PARVA: variants seen among roughly 807,000 people sequenced by gnomAD.
PARVA encodes the protein alpha-parvin.
A neutral mutation model predicts 52.6 loss-of-function variants in PARVA; 25 were observed. The observed-to-expected ratio is 0.48, with a 90% CI of 0.35 to 0.66. The LOEUF (loss-of-function observed/expected upper bound fraction) is 0.66. PARVA is among the 30% of genes least tolerant of loss of function. The pLI, the probability that PARVA is intolerant of heterozygous loss-of-function variation, is 0.01. For missense variants in PARVA, 373 were observed against 450.9 expected (o/e 0.83, Z 1.56); for synonymous variants, 185 against 179.1 (o/e 1.03, Z -0.26).
intron 1 of PARVA, among the ~76,000 whole-genome samples, chr11:12,432,111 A>G (rs771272450): frequency 1.3e-5 from 2 of 152,064 alleles, no homozygotes; most frequent in Non-Finnish European, 2.9e-5. Flanking sequence ...TTAACGTAAA[A>G]TTTTTCCTAC....
At chr11:12,401,785 A>T (rs1177365694) in intron 1 of PARVA, among the ~76,000 whole-genome samples, 1 of 152,222 alleles carries the variant, frequency 6.6e-6, no homozygotes, top group Non-Finnish European at 1.5e-5. Flanking sequence ...TAATCAAGAC[A>T]GCCTAATATG....
intron 1 of PARVA, among the ~76,000 whole-genome samples, chr11:12,403,068 C>T (rs1305558406): frequency 6.6e-6 from 1 of 152,260 alleles, no homozygotes; most frequent in South Asian, 2.1e-4. Flanking sequence ...ACATGCCTCG[C>T]TGCCTCCTTC....
Position 12,531,699 on chromosome 11 carries a change from G to A in PARVA, c.*3774G>A, listed in dbSNP as rs1941774102. Among the ~76,000 whole-genome samples, 1 of 151,580 alleles carries A rather than the reference G, an allele frequency of 6.6e-6. No homozygotes were observed. Among genetic ancestry groups the A allele is most frequent in the Non-Finnish European group, 1.5e-5 (1 of 67,974 alleles). On this transcript the variant is annotated 3_prime_UTR_variant, in exon 13 of 13. Coordinates refer to ENST00000334956, the MANE Select transcript of PARVA (RefSeq NM_018222.5). ...TATAATACATCCTAGATAGGCAAGA[G>A]GGATATGTCCTGAAATCTTCACTAA... is the stretch of plus-strand genomic sequence containing the variant.
In PARVA at chr11:12,399,124, C is replaced by A. The variant is rs564182756; in HGVS notation, c.136+21341C>A. Among the ~76,000 whole-genome samples the A allele has an allele frequency of 2.0e-5, 3 of 152,308 alleles. No homozygotes were observed. The South Asian group carries it at 6.2e-4, about 32-fold the overall frequency. Reference sequence around the variant, plus strand: ...CGGTTCCAAAATCTATTTTCCTAACCATGATGTCATTCTGCCGCTCAGTAT... The same window carrying A: ...CGGTTCCAAAATCTATTTTCCTAACAATGATGTCATTCTGCCGCTCAGTAT... On this transcript the variant is annotated intron_variant, in intron 1 of 12. Coordinates refer to ENST00000334956, the MANE Select transcript of PARVA (RefSeq NM_018222.5).
At chr11:12,417,657 G>A (rs1368242098) in intron 1 of PARVA, among the ~76,000 whole-genome samples, 1 of 152,144 alleles carries the variant, frequency 6.6e-6, no homozygotes, top group African/African-American at 2.4e-5. Flanking sequence ...AATGCAAGAG[G>A]ATTTATTTAA....
At chr11:12,492,065 A>G (rs1941240507) in intron 4 of PARVA, among the ~76,000 whole-genome samples, 1 of 152,176 alleles carries the variant, frequency 6.6e-6, no homozygotes, top group South Asian at 2.1e-4. Flanking sequence ...TATTTTACAT[A>G]TTTTAGTTCT....
intron 12 of PARVA, among the ~76,000 whole-genome samples, chr11:12,520,812 T>C (rs986931462): frequency 1.3e-5 from 2 of 151,756 alleles, no homozygotes; most frequent in Non-Finnish European, 2.9e-5. Context: ...ATTAGCCAGG[T>C]GTAGTGGTGC....
At chr11:12,389,984 T>C (rs1939634388) in intron 1 of PARVA, among the ~76,000 whole-genome samples, 1 of 152,194 alleles carries the variant, frequency 6.6e-6, no homozygotes, top group South Asian at 2.1e-4. Context: ...ATGCTCCTCT[T>C]CTACTCTGAA....
At chr11:12,496,095 T>G (rs927080659) in intron 4 of PARVA, among the ~76,000 whole-genome samples, 1 of 152,250 alleles carries the variant, frequency 6.6e-6, no homozygotes, top group East Asian at 1.9e-4. Flanking sequence ...ATGCCTTGAC[T>G]AACTCTACAG....
At chr11:12,447,794 C>T (rs1170169457) in intron 1 of PARVA, among the ~76,000 whole-genome samples, 1 of 152,092 alleles carries the variant, frequency 6.6e-6, no homozygotes, top group Non-Finnish European at 1.5e-5. Context: ...GTTCCAGGCA[C>T]CCATCAAAAA....
At position 12,484,808 on chromosome 11, in the gene PARVA, CTTT is replaced by C. The variant is rs1177057401; in HGVS notation, c.400+6879_400+6881del. On this transcript the variant is annotated intron_variant, in intron 4 of 12. Coordinates refer to ENST00000334956, the MANE Select transcript of PARVA (RefSeq NM_018222.5). Reference sequence around the variant, plus strand: ...TATTTTGGTGTTTGATTTTTGTTGACTTTTTTTTTTTTTTTTTTTTTTGAGATA... The same window carrying C: ...TATTTTGGTGTTTGATTTTTGTTGACTTTTTTTTTTTTTTTTTTTGAGATA... Among the ~76,000 whole-genome samples, 82 of 102,626 alleles carry C rather than the reference CTTT, an allele frequency of 8.0e-4. No individual in the cohort carries two copies. In the East Asian group the frequency reaches 0.017, roughly 21 times the overall value. The allele number at this position is 102,626 out of a possible 152,430, so 67.3% of individuals were successfully genotyped here.
chr11:12,396,304 ACAG>A (rs1939744610), intron 1 of PARVA, among the ~76,000 whole-genome samples: 3 of 152,270 alleles, frequency 2.0e-5, no homozygotes, highest in African/African-American at 7.2e-5. Context: ...AGATAAATCA[ACAG>A]TGACAATAGA....
chr11:12,409,607 T>G (rs58640204), intron 1 of PARVA, among the ~76,000 whole-genome samples: 2,380 of 152,196 alleles, frequency 0.016, 61 homozygotes, highest in African/African-American at 0.054. Context: ...CACTGGCTTT[T>G]AAGATGGAGT....
intron 1 of PARVA, among the ~76,000 whole-genome samples, chr11:12,460,011 A>G (rs1048058387): frequency 1.3e-5 from 2 of 152,188 alleles, no homozygotes; most frequent in African/African-American, 2.4e-5. Context: ...CTTATGCAAG[A>G]TTATTCTCCA....
chr11:12,381,300 C>T (rs1462570155), intron 1 of PARVA, among the ~76,000 whole-genome samples: 1 of 152,210 alleles, frequency 6.6e-6, no homozygotes, highest in African/African-American at 2.4e-5. Context: ...GCTTTGTGCT[C>T]TGTAGAATCT....
chr11:12,515,123 G>T (rs1010279444), intron 10 of PARVA, among the ~76,000 whole-genome samples: 4 of 152,190 alleles, frequency 2.6e-5, no homozygotes, highest in African/African-American at 4.8e-5. Context: ...TGATAACTTG[G>T]ATTATTTGGT....
At chr11:12,378,208 C>G (rs191293587) in intron 1 of PARVA, among the ~76,000 whole-genome samples, 1 of 152,326 alleles carries the variant, frequency 6.6e-6, no homozygotes, top group East Asian at 1.9e-4. Context: ...CTGCAGCTTT[C>G]CTGGGCGCCG....
chr11:12,392,804 C>T (rs1939678643), intron 1 of PARVA, among the ~76,000 whole-genome samples: 1 of 152,008 alleles, frequency 6.6e-6, no homozygotes, highest in Non-Finnish European at 1.5e-5. Flanking sequence ...AGTCCTGAGC[C>T]TTATGAGTTA....
intron 1 of PARVA, among the ~76,000 whole-genome samples, chr11:12,450,217 A>C (rs2050128991): frequency 6.6e-6 from 1 of 152,228 alleles, no homozygotes; most frequent in Non-Finnish European, 1.5e-5. Context: ...TATTAAGTCA[A>C]GATCTTTGTA....
Sources: allele counts gnomAD v4.1 joint callset (sites outside exome capture counted in the v4.1 genomes callset), GRCh38; gene constraint gnomAD v4.1.1; transcripts MANE v1.5; gene names NCBI Gene and HGNC (gene_info 2026-07-23, HGNC 2026-07-21).